The following KALRN variants were observed in gnomAD, a reference collection of about 807,000 sequenced individuals.
KALRN encodes kalirin RhoGEF kinase, also known as kalirin.
Under a neutral mutation model 353.7 loss-of-function variants are expected in KALRN, and 70 were observed. The observed-to-expected ratio is 0.20, with a 90% CI of 0.16 to 0.24. The LOEUF (loss-of-function observed/expected upper bound fraction) is 0.24. KALRN is among the 10% of genes least tolerant of loss of function. KALRN has a pLI of 1.00. For synonymous variants in KALRN, 1,391 were observed against 1,434.8 expected (o/e 0.97, Z 0.69); for missense variants, 2,791 against 3,756.7 (o/e 0.74, Z 6.72).
intron 13 of KALRN, chr3:124,407,576 A>G (rs2091704360): frequency 6.6e-6 from 1 of 152,188 alleles, no homozygotes; most frequent in Admixed American, 6.5e-5. Context: ...TATTCATGAC[A>G]AAGGCATCTG....
At chr3:124,704,306 T>C (rs1042154442) in intron 57 of KALRN, among the ~76,000 whole-genome samples, 14 of 152,190 alleles carry the variant, frequency 9.2e-5, no homozygotes, top group Admixed American at 3.3e-4. Context: ...AGGCATGTGT[T>C]TGCTATTATT....
chr3:124,386,183 C>T (rs1178263329), intron 11 of KALRN, among the ~76,000 whole-genome samples: 7 of 152,244 alleles, frequency 4.6e-5, no homozygotes, highest in Admixed American at 2.6e-4. Flanking sequence ...TTCCTCTCTG[C>T]GGGACCTGCA....
chr3:124,100,403 T>C (rs1385805448), intron 1 of KALRN: 1 of 152,178 alleles, frequency 6.6e-6, no homozygotes, highest in African/African-American at 2.4e-5. Flanking sequence ...GCCAAGAACA[T>C]ATATTGGGAA....
Position 124,661,857 on chromosome 3 carries a change from G to C in KALRN, c.6274G>C (p.Val2092Leu). Residue 2092 changes from valine to leucine, a missense_variant, in exon 45 of 60, where the codon GTG (valine) becomes CTG (leucine). Transcript: ENST00000682506. ...CAGTTGTTCTTTCCCACAGAAAGCA[G>C]TGGAGTTAATGTGCCTTGTTCCCAA... ...GLECSDIEKA[V>L]ELMCLVPKRC... is the part of the protein sequence containing the mutation. The C allele has an allele frequency of 6.2e-7, 1 of 1,613,932 alleles. No individual in the cohort carries two copies. Among genetic ancestry groups the C allele is most frequent in the Non-Finnish European group, 8.5e-7 (1 of 1,179,782 alleles).
intron 9 of KALRN, among the ~76,000 whole-genome samples, chr3:124,340,441 T>G (rs529618225): frequency 6.6e-6 from 1 of 152,270 alleles, no homozygotes; most frequent in South Asian, 2.1e-4. Context: ...GAGAATCACT[T>G]GAACCCAGTA....
chr3:124,236,527 A>T (rs574061751), intron 3 of KALRN, among the ~76,000 whole-genome samples: 1 of 152,226 alleles, frequency 6.6e-6, no homozygotes, highest in Non-Finnish European at 1.5e-5. Flanking sequence ...CAGTTCTCTT[A>T]AAGACAGAAG....
At position 124,286,082 on chromosome 3, in the gene KALRN, CCTTTCTTT is replaced by C. The variant is rs55864207; in HGVS notation, c.970-12659_970-12652del. Among the ~76,000 whole-genome samples the C allele has an allele frequency of 7.3e-3, 742 of 102,236 alleles. 2 individuals are homozygous for C. The highest frequency in any genetic ancestry group is 0.014 in the African/African-American group (382 of 26,620). The allele number at this position is 102,236 out of a possible 152,430, so 67.1% of individuals were successfully genotyped here. A position where few individuals can be genotyped will look rare whatever the true frequency, so the allele number is the denominator to read the frequency against. ...TGCTGTTTTCTTTCTTTCTTTCCTT[CCTTTCTTT>C]CTTTCTTTCTTTCTTTCTTTCTTTC... On this transcript the variant is annotated intron_variant, in intron 5 of 59. Transcript: ENST00000682506.
chr3:124,675,061 C>G (rs903896209), intron 49 of KALRN: 2 of 151,654 alleles, frequency 1.3e-5, no homozygotes, highest in African/African-American at 4.8e-5. Flanking sequence ...GGCACAAATG[C>G]CAGACCTGTG....
At chr3:124,110,710 G>T (rs1456938842) in intron 1 of KALRN, among the ~76,000 whole-genome samples, 1 of 152,168 alleles carries the variant, frequency 6.6e-6, no homozygotes, top group East Asian at 1.9e-4. Context: ...TTAACAAAAT[G>T]CTTAAGATTC....
chr3:124,462,680 C>T lies in KALRN; in HGVS notation c.4031+47C>T, dbSNP rs375659012. On this transcript the variant is annotated intron_variant, in intron 25 of 59. Coordinates refer to ENST00000682506, the MANE Select transcript of KALRN (RefSeq NM_001388419.1). ...GAGGTGCACACTTAGGCCGTAAAAA[C>T]CAGACAACAGGGTTCCCAAGAAGTG... is the stretch of plus-strand genomic sequence containing the variant. The T allele has an allele frequency of 3.1e-5, 34 of 1,111,888 alleles. 1 individual carries two copies. Among genetic ancestry groups the T allele is most frequent in the Admixed American group, 5.4e-5 (3 of 55,656 alleles). 68.9% of individuals were successfully genotyped at this position (1,111,888 alleles called of 1,614,324 possible). A position where few individuals can be genotyped will look rare whatever the true frequency, so the allele number is the denominator to read the frequency against.
intron 3 of KALRN, among the ~76,000 whole-genome samples, chr3:124,254,546 T>C (rs1219420670): frequency 1.3e-5 from 2 of 151,978 alleles, no homozygotes; most frequent in Non-Finnish European, 2.9e-5. Flanking sequence ...TCTCTGAGCC[T>C]CAGTTTTCTT....
chr3:124,485,229 T>C (rs1188964208), intron 28 of KALRN, among the ~76,000 whole-genome samples: 1 of 152,212 alleles, frequency 6.6e-6, no homozygotes, highest in African/African-American at 2.4e-5. Flanking sequence ...GGGTTGTGAA[T>C]TTAAAAAGGA....
At chr3:124,535,565 C>G (rs1213021877) in intron 33 of KALRN, among the ~76,000 whole-genome samples, 1 of 152,224 alleles carries the variant, frequency 6.6e-6, no homozygotes, top group Non-Finnish European at 1.5e-5. Context: ...CCCTCACTCT[C>G]TGTCTCCTTT....
chr3:124,459,015 T>C (rs1401294879), intron 23 of KALRN, among the ~76,000 whole-genome samples: 1 of 152,124 alleles, frequency 6.6e-6, no homozygotes, highest in Non-Finnish European at 1.5e-5. Context: ...GGGCAGGACG[T>C]TATTTAAAAT....
At chr3:124,454,672 T>TC (rs1290629593) in intron 21 of KALRN, among the ~76,000 whole-genome samples, 13 of 13,018 alleles carry the variant, frequency 1.0e-3, no homozygotes, top group East Asian at 4.8e-3. Context: ...ACTGAAAATG[T>TC]TTTTTTTTCA....
At chr3:124,442,146 C>A in intron 19 of KALRN, 87 bp downstream of exon 19, 1 of 667,568 alleles carries the variant, frequency 1.5e-6, no homozygotes, top group South Asian at 3.0e-5. Context: ...CACACAATCT[C>A]AAATTTCCTG....
chr3:124,410,161 ACTCT>A (rs949443943), intron 13 of KALRN: 1 of 523,454 alleles, frequency 1.9e-6, no homozygotes, highest in Non-Finnish European at 3.9e-6. Context: ...CTCTGAGATC[ACTCT>A]CTCAACTAAA....
In KALRN at chr3:124,542,418, G is replaced by A. The variant is rs569635798; in HGVS notation, c.4936-20425G>A. ...GTCAACTATGAAGCACCACACCCAC[G>A]TAAAGCATATTATATTACCTCCTGT... On this transcript the variant is annotated intron_variant, in intron 33 of 59. Coordinates refer to ENST00000682506, the MANE Select transcript of KALRN (RefSeq NM_001388419.1). Among the ~76,000 whole-genome samples the A allele has an allele frequency of 2.7e-4, 41 of 152,216 alleles. No individual in the cohort carries two copies. The East Asian group carries it at 5.0e-3, about 19-fold the overall frequency.
intron 25 of KALRN, among the ~76,000 whole-genome samples, chr3:124,474,362 A>G (rs576541215): frequency 6.6e-6 from 1 of 152,326 alleles, no homozygotes; most frequent in Admixed American, 6.5e-5. Flanking sequence ...AAAAAAGTAG[A>G]TTCTTACTTG....
Sources: gnomAD v4.1 joint callset for allele counts (sites outside exome capture counted in the v4.1 genomes callset) on GRCh38, gnomAD v4.1.1 for gene constraint, MANE v1.5 for transcripts, NCBI Gene and HGNC (gene_info 2026-07-23, HGNC 2026-07-21) for gene names.